The following ARID4B variants were observed in gnomAD, a reference collection of about 807,000 sequenced individuals.
ARID4B encodes the protein AT-rich interactive domain-containing protein 4B.
Under a neutral mutation model 147.5 loss-of-function variants are expected in ARID4B, and 26 were observed. The ratio of observed to expected loss-of-function variants is 0.18; its 90% CI spans 0.13 to 0.24. ARID4B has a LOEUF of 0.24. Among genes scored for constraint, ARID4B ranks in the 10% least tolerant of loss-of-function variants. ARID4B has a pLI of 1.00. For synonymous variants in ARID4B, 512 were observed against 507.9 expected (o/e 1.01, Z -0.11); for missense variants, 1,179 against 1,511.5 (o/e 0.78, Z 3.65).
intron 19 of ARID4B, chr1:235,187,173 G>A (rs1486720300): frequency 3.0e-5 from 8 of 264,174 alleles, no homozygotes; most frequent in South Asian, 9.6e-5. Context: ...CCTCCGCCTC[G>A]TGGGTTCAAG....
In ARID4B at chr1:235,167,946, G is replaced by A. The variant is rs2102881858; in HGVS notation, c.*579C>T. 1 of 196,634 alleles carries A rather than the reference G, an allele frequency of 5.1e-6. No individual in the cohort carries two copies. Among genetic ancestry groups the A allele is most frequent in the Non-Finnish European group, 1.1e-5 (1 of 94,454 alleles). 12.2% of individuals were successfully genotyped at this position (196,634 alleles called of 1,614,324 possible). A position where few individuals can be genotyped will look rare whatever the true frequency, so the allele number is the denominator to read the frequency against. ...TAATTCAAACCTGTAAACATGTTCAGTCTTTTTTAAAGAGAATCTTTAATA... is the reference window on the plus strand; with the variant it reads ...TAATTCAAACCTGTAAACATGTTCAATCTTTTTTAAAGAGAATCTTTAATA... On this transcript the variant is annotated 3_prime_UTR_variant, in exon 24 of 24. Transcript: ENST00000264183.
intron 16 of ARID4B, among the ~76,000 whole-genome samples, chr1:235,216,310 TACACACACAC>T (rs71576467): frequency 1.3e-5 from 2 of 149,202 alleles, no homozygotes; most frequent in Non-Finnish European, 3.0e-5. Context: ...TATATATGTA[TACACACACAC>T]ACACACACAC....
chr1:235,282,871 A>C (rs930092374), intron 2 of ARID4B, among the ~76,000 whole-genome samples: 4 of 152,014 alleles, frequency 2.6e-5, no homozygotes, highest in Non-Finnish European at 5.9e-5. Flanking sequence ...ACCTCCGCCT[A>C]CCGGGTTCAC....
intron 2 of ARID4B, among the ~76,000 whole-genome samples, chr1:235,311,482 G>C (rs536408525): frequency 6.6e-6 from 1 of 151,994 alleles, no homozygotes; most frequent in East Asian, 1.9e-4. Context: ...ATCCAAATAA[G>C]TTAACAATAC....
Position 235,327,849 on chromosome 1 carries a change from G to T in ARID4B, c.-130C>A, listed in dbSNP as rs936781459. On this transcript the variant is annotated 5_prime_UTR_variant, in exon 1 of 24. Transcript: ENST00000264183. The stretch of plus-strand genomic sequence containing the variant: ...CCCCCCCAAAACCAGCAGGCCCGGG[G>T]GAGAGATGGGGAAGAAGGGCGGCGG... 2 of 152,662 alleles carry T rather than the reference G, an allele frequency of 1.3e-5. No individual in the cohort carries two copies. Among genetic ancestry groups the T allele is most frequent in the Non-Finnish European group, 2.9e-5 (2 of 68,372 alleles). 9.5% of individuals were successfully genotyped at this position (152,662 alleles called of 1,614,324 possible).
intron 2 of ARID4B, among the ~76,000 whole-genome samples, chr1:235,291,742 AAAAC>A (rs999163544): frequency 3.9e-5 from 6 of 152,178 alleles, no homozygotes; most frequent in Admixed American, 6.5e-5. Context: ...AAACAAAAAC[AAAAC>A]AAACAAAAAA....
At chr1:235,217,480 T>C (rs1667176425) in intron 16 of ARID4B, among the ~76,000 whole-genome samples, 1 of 146,550 alleles carries the variant, frequency 6.8e-6, no homozygotes, top group African/African-American at 2.6e-5. Context: ...GCATTTAAGC[T>C]AGTCATATTT....
At chr1:235,257,970 A>G (rs1670085921) in intron 3 of ARID4B, among the ~76,000 whole-genome samples, 1 of 152,186 alleles carries the variant, frequency 6.6e-6, no homozygotes, top group East Asian at 1.9e-4. Context: ...AGTCTCTAGT[A>G]CCAAACATTT....
chr1:235,305,527 T>C (rs139846099), intron 2 of ARID4B, among the ~76,000 whole-genome samples: 1 of 152,320 alleles, frequency 6.6e-6, no homozygotes, highest in East Asian at 1.9e-4. Context: ...TGAAGTAGTT[T>C]AGGTTTAAAT....
chr1:235,295,353 T>C (rs1024486214), intron 2 of ARID4B, among the ~76,000 whole-genome samples: 1 of 151,394 alleles, frequency 6.6e-6, no homozygotes, highest in Non-Finnish European at 1.5e-5. Context: ...CTAATAATAA[T>C]ACAAAAATTA....
intron 2 of ARID4B, among the ~76,000 whole-genome samples, chr1:235,266,386 A>T (rs1356798390): frequency 6.6e-6 from 1 of 152,160 alleles, no homozygotes; most frequent in African/African-American, 2.4e-5. Flanking sequence ...AGTAGTATGG[A>T]TCATCTCAGA....
At chr1:235,301,340 C>A (rs1395219671) in intron 2 of ARID4B, among the ~76,000 whole-genome samples, 2 of 151,558 alleles carry the variant, frequency 1.3e-5, no homozygotes, top group Middle Eastern at 3.2e-3. Flanking sequence ...GAGTTTGAGA[C>A]CAGCCTGGGC....
chr1:235,238,471 C>T (rs1668766777), intron 8 of ARID4B, among the ~76,000 whole-genome samples: 1 of 152,150 alleles, frequency 6.6e-6, no homozygotes, highest in Admixed American at 6.5e-5. Flanking sequence ...AGTTGTCAAA[C>T]GTGAGAATAG....
At chr1:235,231,915 T>C (rs1216544544) in intron 9 of ARID4B, among the ~76,000 whole-genome samples, 4 of 152,074 alleles carry the variant, frequency 2.6e-5, no homozygotes, top group Admixed American at 1.3e-4. Flanking sequence ...AAGACCAGGA[T>C]AGGTAATATA....
chr1:235,301,724 T>C (rs1018833898), intron 2 of ARID4B, among the ~76,000 whole-genome samples: 1 of 150,852 alleles, frequency 6.6e-6, no homozygotes, highest in Non-Finnish European at 1.5e-5. Context: ...TAATTCTTTT[T>C]TTTTTGTGAG....
chr1:235,224,690 A>C lies in ARID4B; in HGVS notation c.970+13T>G. 6.5e-7 allele frequency: 1 copy of C among 1,537,452 alleles called. No individual in the cohort carries two copies. The highest frequency in any genetic ancestry group is 2.3e-5 in the East Asian group (1 of 44,302). ...AAAACTTACCACGTTAATGATAAAT[A>C]AAAAATACTCACCTCTATCTTCCAT... On this transcript the variant is annotated intron_variant, in intron 12 of 23. Coordinates refer to ENST00000264183, the MANE Select transcript of ARID4B (RefSeq NM_016374.6).
chr1:235,203,556 TTAAG>T (rs1273386347), intron 17 of ARID4B, among the ~76,000 whole-genome samples: 3 of 152,142 alleles, frequency 2.0e-5, no homozygotes, highest in African/African-American at 7.2e-5. Flanking sequence ...TAACCAACCA[TTAAG>T]TAAATGTTAA....
chr1:235,220,882 C>T (rs1667420569), intron 14 of ARID4B, among the ~76,000 whole-genome samples: 1 of 115,434 alleles, frequency 8.7e-6, no homozygotes, highest in African/African-American at 3.2e-5. Flanking sequence ...CAGCAGCATC[C>T]TTTTTTTGTT....
At chr1:235,181,450 A>C in intron 20 of ARID4B, 135 bp downstream of exon 20, 1 of 1,217,938 alleles carries the variant, frequency 8.2e-7, no homozygotes, top group African/African-American at 1.5e-5. Flanking sequence ...TTACCTTTAA[A>C]ATTTCCATTT....
Sources: allele counts gnomAD v4.1 joint callset (sites outside exome capture counted in the v4.1 genomes callset), GRCh38; gene constraint gnomAD v4.1.1; transcripts MANE v1.5; gene names NCBI Gene and HGNC (gene_info 2026-07-23, HGNC 2026-07-21).